Variants in PCDHA4 observed in about 807,000 individuals in gnomAD.
PCDHA4 encodes protocadherin alpha 4.
A neutral mutation model predicts 61.4 loss-of-function variants in PCDHA4; 49 were observed. The ratio of observed to expected loss-of-function variants is 0.80; its 90% CI spans 0.63 to 1.01. The LOEUF is 1.01. Among genes scored for constraint, PCDHA4 ranks in the 50% least tolerant of loss-of-function variants. The probability of loss-of-function intolerance (pLI) is 0.00; values close to 1 mark genes in which losing one functional copy is unlikely to be tolerated. For missense variants in PCDHA4, 1,254 were observed against 1,235.8 expected (o/e 1.01, Z -0.22); for synonymous variants, 590 against 550.3 (o/e 1.07, Z -1.01).
intron 1 of PCDHA4, among the ~76,000 whole-genome samples, chr5:140,933,263 A>G (rs1374246908): frequency 6.6e-6 from 1 of 151,986 alleles, no homozygotes; most frequent in Non-Finnish European, 1.5e-5. Context: ...AAAGGTTATT[A>G]TATATTCATT....
At chr5:140,890,854 T>C (rs1320462436) in intron 1 of PCDHA4, among the ~76,000 whole-genome samples, 1 of 152,232 alleles carries the variant, frequency 6.6e-6, no homozygotes, top group African/African-American at 2.4e-5. Context: ...TTTCTCTTCC[T>C]TACTTCTTGC....
At chr5:140,951,541 G>C (rs1029557427) in intron 1 of PCDHA4, among the ~76,000 whole-genome samples, 5 of 152,092 alleles carry the variant, frequency 3.3e-5, no homozygotes, top group African/African-American at 1.2e-4. Flanking sequence ...AGGAGCAAGG[G>C]ACGGGGGGAA....
chr5:140,975,216 G>A (rs1349439819), intron 1 of PCDHA4, among the ~76,000 whole-genome samples: 1 of 152,198 alleles, frequency 6.6e-6, no homozygotes, highest in Non-Finnish European at 1.5e-5. Context: ...TGGCACTGGA[G>A]AATCTTCCCT....
chr5:140,885,096 A>G (rs2060465078), intron 1 of PCDHA4, among the ~76,000 whole-genome samples: 1 of 152,160 alleles, frequency 6.6e-6, no homozygotes, highest in Non-Finnish European at 1.5e-5. Flanking sequence ...AACTTTTCAC[A>G]TAAATGCTTT....
chr5:140,928,792 G>T (rs1190569981), intron 1 of PCDHA4: 1 of 1,614,048 alleles, frequency 6.2e-7, no homozygotes, highest in African/African-American at 1.3e-5. Context: ...TAAGCAGAGG[G>T]TGGTGGTAGT....
At chr5:140,816,848 C>T (rs1304434378) in intron 1 of PCDHA4, 1 of 151,714 alleles carries the variant, frequency 6.6e-6, no homozygotes, top group East Asian at 1.9e-4. Context: ...GTGTGCTGTA[C>T]TGTGGGCCCT....
chr5:140,865,089 TA>T (rs1554159250), intron 1 of PCDHA4: 1 of 152,250 alleles, frequency 6.6e-6, no homozygotes, highest in Admixed American at 6.5e-5. Flanking sequence ...GGGATATTAA[TA>T]AAGGCACTTC....
At position 140,884,460 on chromosome 5, in the gene PCDHA4, C is replaced by T. The variant is rs782410675; in HGVS notation, c.2385+74888C>T. ...TGCTCGGCACCGCCCACCGAGGGCG[C>T]GTGCGCGCCGGGCAAGCCCACTCTA... On this transcript the variant is annotated intron_variant, in intron 1 of 3. Coordinates refer to ENST00000530339, the MANE Select transcript of PCDHA4 (RefSeq NM_018907.4). The T allele has an allele frequency of 2.5e-6, 4 of 1,613,730 alleles. No homozygotes were observed. The highest frequency in any genetic ancestry group is 3.3e-5 in the Admixed American group (2 of 59,998).
At position 140,913,249 on chromosome 5, in the gene PCDHA4, A is replaced by G. The variant is rs1389386272; in HGVS notation, c.2386-65700A>G. ...CTTTGCTGGGAGACTTTTTGTTACA[A>G]CTTTGATCTAATTACTTGTTATTGG... On this transcript the variant is annotated intron_variant, in intron 1 of 3. Transcript: ENST00000530339. Among the ~76,000 whole-genome samples the G allele has an allele frequency of 4.6e-5, 7 of 152,262 alleles. No individual in the cohort carries two copies. The East Asian group carries it at 9.6e-4, about 21-fold the overall frequency.
intron 3 of PCDHA4, among the ~76,000 whole-genome samples, chr5:140,986,896 A>G (rs1221599593): frequency 2.6e-5 from 4 of 152,184 alleles, no homozygotes; most frequent in African/African-American, 4.8e-5. Context: ...CTTAGGCCCT[A>G]TCCTAGACTA....
chr5:140,838,073 ATATAGTGTGTGTGTGTGTGT>A (rs1417460358), intron 1 of PCDHA4, among the ~76,000 whole-genome samples: 1 of 126,728 alleles, frequency 7.9e-6, no homozygotes, highest in African/African-American at 3.2e-5. Context: ...AGTTATATAT[ATATAGTGTGTGTGTGTGTGT>A]GTGTGTGTGT....
intron 1 of PCDHA4, chr5:140,929,538 A>C: frequency 3.3e-6 from 2 of 603,382 alleles, no homozygotes; most frequent in Non-Finnish European, 5.1e-6. Context: ...TTGAGAAACA[A>C]GGGCAAAAAT....
chr5:140,920,804 A>G (rs2079833395), intron 1 of PCDHA4, among the ~76,000 whole-genome samples: 1 of 151,364 alleles, frequency 6.6e-6, no homozygotes, highest in South Asian at 2.1e-4. Context: ...AGATCACGCC[A>G]CTGCACTCCA....
At chr5:140,844,954 C>T (rs1258176227) in intron 1 of PCDHA4, among the ~76,000 whole-genome samples, 1 of 149,088 alleles carries the variant, frequency 6.7e-6, no homozygotes, top group African/African-American at 2.5e-5. Flanking sequence ...ACTCTGAATT[C>T]TTACAGTTTG....
At chr5:140,837,655 T>C (rs1323533582) in intron 1 of PCDHA4, among the ~76,000 whole-genome samples, 3 of 151,204 alleles carry the variant, frequency 2.0e-5, no homozygotes, top group Non-Finnish European at 4.4e-5. Context: ...CTTTCTTCCT[T>C]TTTCTTTCAT....
At chr5:140,967,198 C>T (rs2096112626) in intron 1 of PCDHA4, 9 of 1,613,662 alleles carry the variant, frequency 5.6e-6, no homozygotes, top group South Asian at 1.1e-5. Flanking sequence ...TCAACGACAA[C>T]TCACCGCGTT....
At chr5:140,850,223 A>T in intron 1 of PCDHA4, 1 of 1,593,640 alleles carries the variant, frequency 6.3e-7, no homozygotes, top group Non-Finnish European at 8.6e-7. Flanking sequence ...CTGACGGCGC[A>T]GTGAGCGAGA....
At chr5:140,839,133 T>C (rs1776048029) in intron 1 of PCDHA4, among the ~76,000 whole-genome samples, 1 of 149,316 alleles carries the variant, frequency 6.7e-6, no homozygotes, top group Non-Finnish European at 1.5e-5. Context: ...GTCATTCACA[T>C]AAGCAGACCA....
rs1432182351 is a variant in PCDHA4 at position 140,843,140 on chromosome 5, C to T, written c.2385+33568C>T. 4 of 1,596,022 alleles carry T rather than the reference C, an allele frequency of 2.5e-6. No homozygotes were observed. The East Asian group carries it at 8.9e-5, about 36-fold the overall frequency. On this transcript the variant is annotated intron_variant, in intron 1 of 3. Transcript: ENST00000530339. The stretch of plus-strand genomic sequence containing the variant: ...CGCCGACTCGGGCTACAACGCGTGG[C>T]TTTCGTATGAGCTGCAGCCAGCTGC...
Sources: gnomAD v4.1 joint callset for allele counts (sites outside exome capture counted in the v4.1 genomes callset) on GRCh38, gnomAD v4.1.1 for gene constraint, MANE v1.5 for transcripts, NCBI Gene and HGNC (gene_info 2026-07-23, HGNC 2026-07-21) for gene names.